TMEM150C: variants seen among roughly 807,000 people sequenced by gnomAD.
The protein encoded by TMEM150C is tentonin 3.
Under a neutral mutation model 29.9 loss-of-function variants are expected in TMEM150C, and 10 were observed. That is an observed-to-expected ratio of 0.33 (90% CI 0.21 to 0.57). The LOEUF is 0.57. Among genes scored for constraint, TMEM150C ranks in the 20% least tolerant of loss-of-function variants. TMEM150C has a pLI of 0.88. For missense variants in TMEM150C, 251 were observed against 303.6 expected (o/e 0.83, Z 1.29); for synonymous variants, 101 against 112.5 (o/e 0.90, Z 0.64).
At chr4:82,562,038 C>G (rs1725957041), upstream of TMEM150C, 1 of 1,152,160 alleles carries the variant, frequency 8.7e-7, no homozygotes, top group Non-Finnish European at 1.1e-6. Context: ...GCCCGCCCGG[C>G]CCCCTCCTGC....
At chr4:82,486,545 C>G (rs1018052677) in intron 7 of TMEM150C, among the ~76,000 whole-genome samples, 25 of 152,014 alleles carry the variant, frequency 1.6e-4, no homozygotes, top group Non-Finnish European at 3.1e-4. Context: ...TCAGACAATA[C>G]TGTATAGACC....
chr4:82,536,146 G>A (rs1437657261), intron 1 of TMEM150C, among the ~76,000 whole-genome samples: 1 of 152,026 alleles, frequency 6.6e-6, no homozygotes, highest in African/African-American at 2.4e-5. Flanking sequence ...GGATCACGAA[G>A]TCAAGAGATC....
At chr4:82,540,866 T>C (rs918197902) in intron 1 of TMEM150C, among the ~76,000 whole-genome samples, 1 of 152,210 alleles carries the variant, frequency 6.6e-6, no homozygotes, top group African/African-American at 2.4e-5. Context: ...TTAGCAATTT[T>C]CAAGTATACA....
At chr4:82,528,838 C>G (rs1273208523) in intron 1 of TMEM150C, among the ~76,000 whole-genome samples, 1 of 152,080 alleles carries the variant, frequency 6.6e-6, no homozygotes, top group Non-Finnish European at 1.5e-5. Context: ...TCGTGATCTG[C>G]CCGCCTCGGC....
At chr4:82,535,537 A>C (rs1206452870) in intron 1 of TMEM150C, among the ~76,000 whole-genome samples, 1 of 152,232 alleles carries the variant, frequency 6.6e-6, no homozygotes, top group African/African-American at 2.4e-5. Flanking sequence ...GGTACACCTC[A>C]GAGGTACAGT....
intron 1 of TMEM150C, among the ~76,000 whole-genome samples, chr4:82,522,542 C>T (rs904112139): frequency 2.0e-5 from 3 of 152,050 alleles, no homozygotes; most frequent in East Asian, 3.8e-4. Flanking sequence ...TCAGATAGCA[C>T]GGTGTATGGT....
intron 1 of TMEM150C, among the ~76,000 whole-genome samples, chr4:82,528,430 T>G (rs965128213): frequency 6.6e-6 from 1 of 152,184 alleles, no homozygotes; most frequent in Non-Finnish European, 1.5e-5. Flanking sequence ...GACCACACTT[T>G]GAGAACCACA....
intron 1 of TMEM150C, among the ~76,000 whole-genome samples, chr4:82,548,773 G>T (rs1403502788): frequency 6.6e-6 from 1 of 152,208 alleles, no homozygotes; most frequent in Non-Finnish European, 1.5e-5. Context: ...AATGGCCCTG[G>T]GCTGGGTCTT....
chr4:82,493,767 T>C (rs1288998542), intron 6 of TMEM150C, among the ~76,000 whole-genome samples: 1 of 152,200 alleles, frequency 6.6e-6, no homozygotes, highest in Admixed American at 6.5e-5. Context: ...AAATGCCCCA[T>C]GCCTTACATT....
intron 1 of TMEM150C, among the ~76,000 whole-genome samples, chr4:82,525,872 T>C (rs1724635593): frequency 6.6e-6 from 1 of 152,122 alleles, no homozygotes; most frequent in Non-Finnish European, 1.5e-5. Flanking sequence ...AGCCCATTTC[T>C]TAGGCAAAAG....
intron 1 of TMEM150C, among the ~76,000 whole-genome samples, chr4:82,545,890 G>A (rs190381450): frequency 2.6e-3 from 391 of 151,624 alleles, no homozygotes; most frequent in Non-Finnish European, 3.3e-3. Context: ...GCACCATTGC[G>A]CTCCAGCCTG....
chr4:82,551,903 C>A (rs1725595640), intron 1 of TMEM150C, among the ~76,000 whole-genome samples: 1 of 152,126 alleles, frequency 6.6e-6, no homozygotes, highest in African/African-American at 2.4e-5. Context: ...AAATTTGATA[C>A]CCAATGTTAG....
At chr4:82,504,176 A>G (rs956939793) in intron 2 of TMEM150C, among the ~76,000 whole-genome samples, 2 of 152,196 alleles carry the variant, frequency 1.3e-5, no homozygotes, top group African/African-American at 4.8e-5. Context: ...TCAAGTATTT[A>G]TAAATACAGT....
chr4:82,519,459 C>T (rs57428480), intron 1 of TMEM150C, among the ~76,000 whole-genome samples: 1 of 151,874 alleles, frequency 6.6e-6, no homozygotes, highest in Admixed American at 6.6e-5. Context: ...GAGTCTCACT[C>T]TGTTGCCCAG....
At chr4:82,555,799 T>C (rs1030014836) in intron 1 of TMEM150C, among the ~76,000 whole-genome samples, 2 of 152,330 alleles carry the variant, frequency 1.3e-5, no homozygotes, top group African/African-American at 2.4e-5. Context: ...CAAAGGACTG[T>C]TGTGAGAGAC....
At chr4:82,536,036 C>T (rs1459243053) in intron 1 of TMEM150C, among the ~76,000 whole-genome samples, 3 of 152,048 alleles carry the variant, frequency 2.0e-5, no homozygotes, top group African/African-American at 7.2e-5. Flanking sequence ...TGGTTGAAAA[C>T]AACTGCTTTA....
chr4:82,490,469 TAAAAG>T (rs1266657101), intron 6 of TMEM150C, among the ~76,000 whole-genome samples: 1 of 152,160 alleles, frequency 6.6e-6, no homozygotes, highest in African/African-American at 2.4e-5. Context: ...GTAGAAAAAG[TAAAAG>T]AAAACAGAAG....
chr4:82,554,578 A>G (rs180800468), intron 1 of TMEM150C, among the ~76,000 whole-genome samples: 1 of 152,336 alleles, frequency 6.6e-6, no homozygotes, highest in African/African-American at 2.4e-5. Flanking sequence ...TCAAGTCATC[A>G]TAAGTGTAAA....
chr4:82,512,074 T>C (rs769900451), intron 1 of TMEM150C, among the ~76,000 whole-genome samples: 1 of 152,216 alleles, frequency 6.6e-6, no homozygotes, highest in African/African-American at 2.4e-5. Flanking sequence ...CAAGTACCTT[T>C]CTAGACTCCT....
Sources: allele counts gnomAD v4.1 joint callset (sites outside exome capture counted in the v4.1 genomes callset), GRCh38; gene constraint gnomAD v4.1.1; transcripts MANE v1.5; gene names NCBI Gene and HGNC (gene_info 2026-07-23, HGNC 2026-07-21).